CUL2: variants seen among roughly 807,000 people sequenced by gnomAD.
CUL2 encodes the protein cullin 2, also known as cullin-2.
In CUL2, 22 loss-of-function variants were observed where a neutral mutation model predicts 110.2. That is an observed-to-expected ratio of 0.20 (90% CI 0.14 to 0.28). The LOEUF (loss-of-function observed/expected upper bound fraction) is 0.28. Ranked by LOEUF, CUL2 falls within the 10% of genes least tolerant of loss-of-function variation. CUL2 has a pLI of 1.00. For synonymous variants in CUL2, 279 were observed against 293.2 expected (o/e 0.95, Z 0.49); for missense variants, 631 against 905.5 (o/e 0.70, Z 3.89).
chr10:35,012,062 T>C, intron 19 of CUL2, 98 bp from the exon 20 acceptor site: 1 of 728,748 alleles, frequency 1.4e-6, no homozygotes, highest in Non-Finnish European at 2.2e-6. Context: ...ACTTTTTTTT[T>C]TTTTTTTTTG....
intron 3 of CUL2, 61 bp from the exon 4 acceptor site, chr10:35,061,029 T>C: frequency 6.7e-7 from 1 of 1,496,350 alleles, no homozygotes; most frequent in South Asian, 1.2e-5. Flanking sequence ...CTGTCAACAA[T>C]AAAATGTATC....
intron 1 of CUL2, among the ~76,000 whole-genome samples, chr10:35,111,418 A>G (rs2087522720): frequency 6.6e-6 from 1 of 151,842 alleles, no homozygotes; most frequent in Non-Finnish European, 1.5e-5. Flanking sequence ...CGCCTAACTA[A>G]GATTTTCTAT....
chr10:35,047,400 GGAGATA>G (rs911573472), intron 6 of CUL2, among the ~76,000 whole-genome samples: 2 of 151,456 alleles, frequency 1.3e-5, no homozygotes, highest in Non-Finnish European at 2.9e-5. Context: ...CACGAGGTCA[GGAGATA>G]GAGACCATCC....
intron 1 of CUL2, among the ~76,000 whole-genome samples, chr10:35,081,835 C>T (rs2086953654): frequency 6.6e-6 from 1 of 152,156 alleles, no homozygotes; most frequent in Non-Finnish European, 1.5e-5. Context: ...GACCGCACCA[C>T]TACAATCTAC....
intron 4 of CUL2, among the ~76,000 whole-genome samples, chr10:35,059,200 G>A (rs1297554999): frequency 1.3e-5 from 2 of 152,228 alleles, no homozygotes; most frequent in African/African-American, 4.8e-5. Flanking sequence ...CAGGGTTTGA[G>A]AGGACTGACT....
At chr10:35,072,250 A>C (rs1051006277) in intron 1 of CUL2, among the ~76,000 whole-genome samples, 5 of 152,164 alleles carry the variant, frequency 3.3e-5, no homozygotes, top group African/African-American at 1.2e-4. Flanking sequence ...ATTCCACAGA[A>C]ATGTCAGGTT....
chr10:35,108,257 C>G (rs983903770), intron 1 of CUL2, among the ~76,000 whole-genome samples: 1 of 151,782 alleles, frequency 6.6e-6, no homozygotes, highest in African/African-American at 2.4e-5. Context: ...GAGCTCCAGA[C>G]CAGCCTGGGT....
intron 14 of CUL2, among the ~76,000 whole-genome samples, chr10:35,030,878 G>A (rs1414490375): frequency 6.6e-6 from 1 of 151,628 alleles, no homozygotes; most frequent in Non-Finnish European, 1.5e-5. Flanking sequence ...AAAGAAAAAG[G>A]AAAAAAGGAA....
intron 1 of CUL2, among the ~76,000 whole-genome samples, chr10:35,109,524 T>C (rs2135126060): frequency 6.6e-6 from 1 of 152,320 alleles, no homozygotes; most frequent in Admixed American, 6.5e-5. Flanking sequence ...AACAGTATAA[T>C]TGAATAAAGT....
chr10:35,038,938 G>C lies in CUL2; in HGVS notation c.859C>G (p.Arg287Gly). The change falls in exon 9 of 21, where the codon CGA becomes GGA. Residue 287 changes from arginine (R) to glycine (G), a missense_variant. Arg to Gly is a moderately radical substitution (Grantham distance 125, BLOSUM62 -2). Transcript: ENST00000374749. Reference protein sequence around the residue: ...FLHAECHNIIRQEKKNDMANM... With the variant: ...FLHAECHNIIGQEKKNDMANM... ...CACTTACCATTTTTTTTCTCTTGTC[G>C]AATTATATTATGACATTCTGCATGT... 1 of 1,585,842 alleles carries C rather than the reference G, an allele frequency of 6.3e-7. No homozygotes were observed. The highest frequency in any genetic ancestry group is 8.6e-7 in the Non-Finnish European group (1 of 1,168,104).
chr10:35,044,432 T>C (rs1362830119), intron 8 of CUL2, 134 bp downstream of exon 8: 3 of 537,550 alleles, frequency 5.6e-6, no homozygotes, highest in Non-Finnish European at 9.5e-6. Flanking sequence ...TAACTCAGAG[T>C]TAATGATTAA....
At chr10:35,073,515 T>C (rs2086735124) in intron 1 of CUL2, among the ~76,000 whole-genome samples, 1 of 152,168 alleles carries the variant, frequency 6.6e-6, no homozygotes, top group African/African-American at 2.4e-5. Context: ...AAGTACCCTG[T>C]ACAAACTCGT....
chr10:35,032,724 A>G (rs1213642274), intron 11 of CUL2, among the ~76,000 whole-genome samples: 1 of 152,210 alleles, frequency 6.6e-6, no homozygotes, highest in Non-Finnish European at 1.5e-5. Flanking sequence ...TCTGTAACTC[A>G]TTATCGAAAT....
intron 8 of CUL2, among the ~76,000 whole-genome samples, chr10:35,042,257 T>C (rs947594874): frequency 3.9e-5 from 6 of 152,162 alleles, no homozygotes; most frequent in Admixed American, 3.3e-4. Context: ...AACCACAGAA[T>C]ATTTGCCCTT....
At chr10:35,080,585 G>A (rs938019139) in intron 1 of CUL2, among the ~76,000 whole-genome samples, 2 of 151,954 alleles carry the variant, frequency 1.3e-5, no homozygotes, top group Non-Finnish European at 2.9e-5. Context: ...AGCCTCCTGA[G>A]CAGCTGGGAC....
chr10:35,075,635 A>AAC (rs34714483), intron 1 of CUL2, among the ~76,000 whole-genome samples: 14,291 of 140,802 alleles, frequency 0.1, 756 homozygotes, highest in Non-Finnish European at 0.13. Flanking sequence ...TGGGCCCTAA[A>AAC]ACACACACAC....
At chr10:35,074,261 G>A in intron 1 of CUL2, 4 of 1,502,530 alleles carry the variant, frequency 2.7e-6, no homozygotes, top group Non-Finnish European at 3.6e-6. Context: ...TCTACAGACA[G>A]CATTCAGTTT....
chr10:35,106,477 G>A (rs1458082673), intron 1 of CUL2, among the ~76,000 whole-genome samples: 4 of 150,370 alleles, frequency 2.7e-5, no homozygotes, highest in Admixed American at 2.0e-4. Context: ...CGGCCACCAC[G>A]CCCGGCTAAT....
chr10:35,046,112 A>C (rs2085932453), intron 6 of CUL2, among the ~76,000 whole-genome samples: 1 of 152,318 alleles, frequency 6.6e-6, no homozygotes, highest in South Asian at 2.1e-4. Context: ...GGATATTCTG[A>C]GAACTATTTT....
Sources: allele counts gnomAD v4.1 joint callset (sites outside exome capture counted in the v4.1 genomes callset), GRCh38; gene constraint gnomAD v4.1.1; transcripts MANE v1.5; gene names NCBI Gene and HGNC (gene_info 2026-07-23, HGNC 2026-07-21).